Variants in PAK1 observed in about 807,000 individuals in gnomAD.
PAK1 encodes the protein serine/threonine-protein kinase PAK 1.
Under a neutral mutation model 67.4 loss-of-function variants are expected in PAK1, and 29 were observed. The ratio of observed to expected loss-of-function variants is 0.43; its 90% confidence interval spans 0.32 to 0.59. The LOEUF (loss-of-function observed/expected upper bound fraction) is 0.59. Ranked by LOEUF, PAK1 falls within the 20% of genes least tolerant of loss-of-function variation. PAK1 has a pLI of 0.07. For missense variants in PAK1, 337 were observed against 670.7 expected, an observed-to-expected ratio of 0.50 and a Z score of 5.50; for synonymous variants, 223 against 237.4, an observed-to-expected ratio of 0.94 and a Z score of 0.56.
At chr11:77,369,554 T>G (rs1948131365) in intron 5 of PAK1, among the ~76,000 whole-genome samples, 1 of 151,356 alleles carries the variant, frequency 6.6e-6, no homozygotes, top group Admixed American at 6.6e-5. Flanking sequence ...TTCAAGTGAT[T>G]ATCCTGCCTC....
chr11:77,486,236 C>T, the PAK1 span, among the ~76,000 whole-genome samples: 3 of 152,198 alleles, frequency 2.0e-5, no homozygotes, highest in East Asian at 5.8e-4. Context: ...CCATGTGGCT[C>T]ATGCCTGTAA....
intron 1 of PAK1, among the ~76,000 whole-genome samples, chr11:77,461,310 A>G (rs1412817250): frequency 6.6e-6 from 1 of 152,214 alleles, no homozygotes; most frequent in Non-Finnish European, 1.5e-5. Context: ...TCAATTAAAC[A>G]TTAATGTAGA....
chr11:77,477,641 T>C (rs1033709490), upstream of PAK1, among the ~76,000 whole-genome samples: 1 of 148,928 alleles, frequency 6.7e-6, no homozygotes, highest in Non-Finnish European at 1.5e-5. Context: ...TAGTCCCAGC[T>C]ACCCAGGAGG....
At chr11:77,391,979 A>C (rs1268153250) in intron 2 of PAK1, among the ~76,000 whole-genome samples, 1 of 152,224 alleles carries the variant, frequency 6.6e-6, no homozygotes, top group Non-Finnish European at 1.5e-5. Flanking sequence ...TTCCAATTGA[A>C]ACTAACTCGG....
At chr11:77,396,842 A>T (rs1279055471) in intron 1 of PAK1, among the ~76,000 whole-genome samples, 1 of 152,202 alleles carries the variant, frequency 6.6e-6, no homozygotes, top group Non-Finnish European at 1.5e-5. Flanking sequence ...GCCCTTTCTT[A>T]TAGGTTCTCC....
chr11:77,385,259 A>G (rs952572013), intron 2 of PAK1, among the ~76,000 whole-genome samples: 6 of 152,244 alleles, frequency 3.9e-5, no homozygotes, highest in African/African-American at 4.8e-5. Flanking sequence ...ATTACAAAGA[A>G]AGAAAAAGAA....
At chr11:77,509,353 T>G in the PAK1 span, among the ~76,000 whole-genome samples, 1 of 152,216 alleles carries the variant, frequency 6.6e-6, no homozygotes, top group African/African-American at 2.4e-5. Flanking sequence ...ATTAATAATT[T>G]TATAAATCTA....
chr11:77,433,262 G>A (rs1285857832), intron 1 of PAK1, among the ~76,000 whole-genome samples: 1 of 152,130 alleles, frequency 6.6e-6, no homozygotes, highest in Non-Finnish European at 1.5e-5. Flanking sequence ...AAACATAGGT[G>A]TAAATATTCA....
At chr11:77,485,801 T>G in the PAK1 span, among the ~76,000 whole-genome samples, 2 of 152,130 alleles carry the variant, frequency 1.3e-5, no homozygotes, top group South Asian at 4.1e-4. Flanking sequence ...AAATTAAAAT[T>G]TTAAAAAGGA....
At chr11:77,418,205 A>C (rs375486009) in intron 1 of PAK1, among the ~76,000 whole-genome samples, 2 of 152,324 alleles carry the variant, frequency 1.3e-5, no homozygotes, top group African/African-American at 4.8e-5. Context: ...TTACTCTGAC[A>C]AATTGCTATA....
the PAK1 span, among the ~76,000 whole-genome samples, chr11:77,526,736 T>C: frequency 1.3e-5 from 2 of 152,072 alleles, no homozygotes; most frequent in Non-Finnish European, 2.9e-5. Flanking sequence ...ACCAACATGG[T>C]GAAACCCGGT....
chr11:77,480,462 C>CTTGGAAGTCCTTTATTGTAAAGAT, the PAK1 span, among the ~76,000 whole-genome samples: 3 of 149,134 alleles, frequency 2.0e-5, no homozygotes, highest in Non-Finnish European at 4.4e-5. Flanking sequence ...ACTTTCTCAT[C>CTTGGAAGTCCTTTATTGTAAAGAT]TGTCATTTTG....
intron 1 of PAK1, among the ~76,000 whole-genome samples, chr11:77,425,061 G>A (rs992717093): frequency 6.6e-6 from 1 of 152,104 alleles, no homozygotes; most frequent in Non-Finnish European, 1.5e-5. Flanking sequence ...TATTCCCCAG[G>A]ATACATACTT....
At chr11:77,414,355 C>T (rs1203451978) in intron 1 of PAK1, among the ~76,000 whole-genome samples, 1 of 152,232 alleles carries the variant, frequency 6.6e-6, no homozygotes, top group Admixed American at 6.5e-5. Flanking sequence ...TTAATTCTCC[C>T]TGTCCACCAG....
At chr11:77,429,006 A>G (rs144100040) in intron 1 of PAK1, among the ~76,000 whole-genome samples, 192 of 146,448 alleles carry the variant, frequency 1.3e-3, no homozygotes, top group African/African-American at 4.5e-3. Context: ...TCCAATAACA[A>G]TGAGCATTAT....
chr11:77,478,157 G>C (rs939950217), upstream of PAK1, among the ~76,000 whole-genome samples: 3 of 152,078 alleles, frequency 2.0e-5, no homozygotes, highest in African/African-American at 7.2e-5. Flanking sequence ...GGAAGCTAGA[G>C]TACACAGAGA....
At chr11:77,398,140 A>G (rs1952091131) in intron 1 of PAK1, among the ~76,000 whole-genome samples, 1 of 152,174 alleles carries the variant, frequency 6.6e-6, no homozygotes, top group African/African-American at 2.4e-5. Flanking sequence ...TCTTTTAGTT[A>G]TTTTTAAATA....
At chr11:77,385,751 G>A (rs1301893186) in intron 2 of PAK1, among the ~76,000 whole-genome samples, 1 of 152,140 alleles carries the variant, frequency 6.6e-6, no homozygotes, top group Non-Finnish European at 1.5e-5. Context: ...CAGCTACTCG[G>A]GAGGCTGAGG....
At position 77,355,650 on chromosome 11, in the gene PAK1, A is replaced by G; in HGVS notation, c.772+18T>C. 1 of 1,604,452 alleles carries G rather than the reference A, an allele frequency of 6.2e-7. No homozygotes were observed. Among genetic ancestry groups the G allele is most frequent in the Non-Finnish European group, 8.5e-7 (1 of 1,171,870 alleles). On this transcript the variant is annotated intron_variant, in intron 7 of 14. Coordinates refer to ENST00000356341, the MANE Select transcript of PAK1 (RefSeq NM_002576.5). ...GTCATAAAACGAAGAAAGGTTCAGA[A>G]AGCTACAAATTCCTTACGTAATTTC...
Sources: allele counts gnomAD v4.1 joint callset (sites outside exome capture counted in the v4.1 genomes callset), GRCh38; gene constraint gnomAD v4.1.1; transcripts MANE v1.5; gene names NCBI Gene and HGNC (gene_info 2026-07-23, HGNC 2026-07-21).